Variants in FGF12 observed in about 807,000 individuals in gnomAD.
FGF12 encodes the protein fibroblast growth factor 12B.
FGF12 carries 14 observed loss-of-function variants against 23.6 expected under a neutral mutation model. The observed-to-expected ratio is 0.59, with a 90% CI of 0.39 to 0.93. The LOEUF is 0.93. Ranked by LOEUF, FGF12 falls within the 40% of genes least tolerant of loss-of-function variation. The pLI is 0.00. For missense variants in FGF12, 175 were observed against 217.8 expected (o/e 0.80, Z 1.24); for synonymous variants, 62 against 77.3 (o/e 0.80, Z 1.04).
At chr3:192,635,198 T>A (rs1405673506) in intron 2 of FGF12, among the ~76,000 whole-genome samples, 3 of 152,184 alleles carry the variant, frequency 2.0e-5, no homozygotes, top group Non-Finnish European at 2.9e-5. Flanking sequence ...ATTACTATAA[T>A]CACATAATAA....
At chr3:192,693,103 A>G (rs1477952908) in intron 2 of FGF12, among the ~76,000 whole-genome samples, 1 of 152,120 alleles carries the variant, frequency 6.6e-6, no homozygotes, top group Non-Finnish European at 1.5e-5. Flanking sequence ...TTGCAGGATT[A>G]AAAAAATACA....
intron 2 of FGF12, among the ~76,000 whole-genome samples, chr3:192,450,751 T>C (rs1265177453): frequency 6.6e-6 from 1 of 152,216 alleles, no homozygotes; most frequent in Non-Finnish European, 1.5e-5. Flanking sequence ...CTTTGATCAA[T>C]TTCTGATAGT....
intron 2 of FGF12, among the ~76,000 whole-genome samples, chr3:192,692,337 TG>T (rs1306270787): frequency 3.3e-5 from 5 of 152,296 alleles, no homozygotes; most frequent in South Asian, 2.1e-4. Context: ...AGATTATCCC[TG>T]GGGAGCAAGG....
intron 2 of FGF12, among the ~76,000 whole-genome samples, chr3:192,689,169 C>A (rs773934120): frequency 1.3e-5 from 2 of 151,978 alleles, no homozygotes; most frequent in Admixed American, 1.3e-4. Flanking sequence ...ATGTTTGATA[C>A]CAGAGTAAGG....
chr3:192,298,009 T>A lies in FGF12; in HGVS notation c.228+37352A>T, dbSNP rs1371376233. Among the ~76,000 whole-genome samples the A allele has an allele frequency of 3.3e-5, 5 of 152,202 alleles. No homozygotes were observed. The East Asian group carries it at 9.6e-4, about 29-fold the overall frequency. ...CTGAGAAGGCATTTGTAACCGCTAT[T>A]ACAATATTAGACCATTAGCGCTGTG... On this transcript the variant is annotated intron_variant, in intron 4 of 5. Coordinates refer to ENST00000445105, the MANE Select transcript of FGF12 (RefSeq NM_004113.6).
chr3:192,711,440 G>T (rs1251733773), intron 2 of FGF12, among the ~76,000 whole-genome samples: 1 of 152,174 alleles, frequency 6.6e-6, no homozygotes, highest in Non-Finnish European at 1.5e-5. Context: ...ACCCCGTCTG[G>T]GAGGTGTACC....
At chr3:192,240,215 A>T (rs1477667841) in intron 4 of FGF12, among the ~76,000 whole-genome samples, 1 of 152,174 alleles carries the variant, frequency 6.6e-6, no homozygotes, top group Non-Finnish European at 1.5e-5. Context: ...CCACACGATG[A>T]CTGATAGATC....
chr3:192,695,587 A>G (rs1718093133), intron 2 of FGF12, among the ~76,000 whole-genome samples: 1 of 152,200 alleles, frequency 6.6e-6, no homozygotes, highest in Non-Finnish European at 1.5e-5. Flanking sequence ...ACTAACTAAT[A>G]AAATGTGAGA....
intron 3 of FGF12, among the ~76,000 whole-genome samples, chr3:192,340,376 A>G (rs1331168525): frequency 6.6e-6 from 1 of 152,198 alleles, no homozygotes; most frequent in Non-Finnish European, 1.5e-5. Flanking sequence ...GTATAATACA[A>G]GGAAGGGAGG....
chr3:192,373,508 A>G (rs1719337418), intron 2 of FGF12, among the ~76,000 whole-genome samples: 1 of 152,224 alleles, frequency 6.6e-6, no homozygotes, highest in South Asian at 2.1e-4. Context: ...TAAATCAATG[A>G]AGATTATTAA....
intron 2 of FGF12, among the ~76,000 whole-genome samples, chr3:192,517,258 CAT>C (rs1724696028): frequency 3.3e-5 from 5 of 152,210 alleles, no homozygotes; most frequent in African/African-American, 7.2e-5. Context: ...TTAGGTAAAA[CAT>C]GTGAAAGTGC....
At position 192,566,872 on chromosome 3, in the gene FGF12, C is replaced by A. The variant is rs183086270; in HGVS notation, c.13+160309G>T. 2.0e-3 allele frequency among the ~76,000 whole-genome samples: 297 copies of A among 152,258 alleles called. 1 individual carries two copies. Among genetic ancestry groups the A allele is most frequent in the African/African-American group, 7.0e-3 (291 of 41,544 alleles). On this transcript the variant is annotated intron_variant, in intron 2 of 5. Coordinates refer to ENST00000445105, the MANE Select transcript of FGF12 (RefSeq NM_004113.6). ...ACTAACAACTACCAGAAAGGCCACA[C>A]GATGGCAGCAAAGTATAGGGTACAA...
At chr3:192,168,031 C>T (rs186184838) in intron 5 of FGF12, among the ~76,000 whole-genome samples, 2,437 of 151,754 alleles carry the variant, frequency 0.016, 45 homozygotes, top group Middle Eastern at 0.041. Context: ...TCCCAAAGTC[C>T]TGGGATTACA....
chr3:192,687,103 A>G (rs1181349897), intron 2 of FGF12, among the ~76,000 whole-genome samples: 1 of 151,202 alleles, frequency 6.6e-6, no homozygotes, highest in African/African-American at 2.4e-5. Context: ...TGCTGGGATT[A>G]CAGGTGTGAG....
At chr3:192,580,666 G>A (rs1033262135) in intron 2 of FGF12, among the ~76,000 whole-genome samples, 10 of 152,172 alleles carry the variant, frequency 6.6e-5, no homozygotes, top group Non-Finnish European at 1.5e-4. Flanking sequence ...GGAGTGCAGT[G>A]GCCCGATCTC....
intron 5 of FGF12, among the ~76,000 whole-genome samples, chr3:192,148,806 G>A (rs1043331949): frequency 2.0e-5 from 3 of 152,160 alleles, no homozygotes; most frequent in Non-Finnish European, 4.4e-5. Flanking sequence ...AACTGAGGAG[G>A]TACAGGGCGA....
chr3:192,234,730 G>T (rs993306647), intron 4 of FGF12, among the ~76,000 whole-genome samples: 1 of 152,104 alleles, frequency 6.6e-6, no homozygotes, highest in Non-Finnish European at 1.5e-5. Context: ...AGTTTGTTGA[G>T]AGTTTTTAAA....
Position 192,184,375 on chromosome 3 carries a change from AG to A in FGF12, c.229-13720del, listed in dbSNP as rs201568370. On this transcript the variant is annotated intron_variant, in intron 4 of 5. Coordinates refer to ENST00000445105, the MANE Select transcript of FGF12 (RefSeq NM_004113.6). ...GCTTTTAGACATTTTGGCTGCAGGT[AG>A]GAAGTTATTTGCTCTTGATTCCATA... Among the ~76,000 whole-genome samples the A allele has an allele frequency of 5.4e-3, 830 of 152,340 alleles. 7 individuals are homozygous for A. The highest frequency in any genetic ancestry group is 0.019 in the African/African-American group (807 of 41,584).
intron 2 of FGF12, among the ~76,000 whole-genome samples, chr3:192,494,307 A>T (rs1723885160): frequency 6.6e-6 from 1 of 152,206 alleles, no homozygotes; most frequent in Admixed American, 6.5e-5. Context: ...ACAGTCATCT[A>T]GCATCTGTTT....
Sources: allele counts gnomAD v4.1 joint callset (sites outside exome capture counted in the v4.1 genomes callset), GRCh38; gene constraint gnomAD v4.1.1; transcripts MANE v1.5; gene names NCBI Gene and HGNC (gene_info 2026-07-23, HGNC 2026-07-21).